KANSL1: variants seen among roughly 807,000 people sequenced by gnomAD.
KANSL1 encodes the protein MLL1/MLL complex subunit KANSL1.
A neutral mutation model predicts 103.6 loss-of-function variants in KANSL1; 22 were observed. The observed-to-expected ratio is 0.21, with a 90% CI of 0.15 to 0.30. The LOEUF (loss-of-function observed/expected upper bound fraction) is 0.30. Ranked by LOEUF, KANSL1 falls within the 10% of genes least tolerant of loss-of-function variation. The pLI, the probability that KANSL1 is intolerant of heterozygous loss-of-function variation, is 1.00. For missense variants in KANSL1, 1,337 were observed against 1,399.8 expected (o/e 0.96, Z 0.72); for synonymous variants, 600 against 527.6 (o/e 1.14, Z -1.88).
chr17:46,068,676 A>G (rs2078469145), intron 4 of KANSL1, among the ~76,000 whole-genome samples: 2 of 151,998 alleles, frequency 1.3e-5, no homozygotes, highest in African/African-American at 4.9e-5. Context: ...GATACTAACT[A>G]TTGTCTTTAG....
chr17:46,188,145 C>T (rs8076065), intron 1 of KANSL1, among the ~76,000 whole-genome samples: 4,470 of 152,290 alleles, frequency 0.029, 181 homozygotes, highest in African/African-American at 0.09. Context: ...CCACAATCCT[C>T]CCCTCAATCT....
At chr17:46,180,051 C>T (rs371275521) in intron 1 of KANSL1, among the ~76,000 whole-genome samples, 72 of 148,132 alleles carry the variant, frequency 4.9e-4, no homozygotes, top group African/African-American at 1.7e-3. Flanking sequence ...GTAACAAGAG[C>T]GAGACTCCAT....
intron 2 of KANSL1, among the ~76,000 whole-genome samples, chr17:46,168,380 G>A (rs896884244): frequency 8.7e-5 from 13 of 149,590 alleles, no homozygotes; most frequent in East Asian, 2.0e-4. Flanking sequence ...ACGGAGTTTC[G>A]CTCGTTGCCT....
intron 1 of KANSL1, among the ~76,000 whole-genome samples, chr17:46,219,826 G>C (rs1358926446): frequency 1.3e-5 from 2 of 152,234 alleles, no homozygotes; most frequent in African/African-American, 2.4e-5. Context: ...TCTCTCGGCT[G>C]GGCACGGTGG....
At chr17:46,209,701 C>T (rs1207274060) in intron 1 of KANSL1, among the ~76,000 whole-genome samples, 4 of 152,156 alleles carry the variant, frequency 2.6e-5, no homozygotes, top group Non-Finnish European at 5.9e-5. Context: ...ACTATGTTAC[C>T]CAGGCTGTTC....
At chr17:46,137,594 C>T (rs963627081) in intron 2 of KANSL1, among the ~76,000 whole-genome samples, 5 of 152,126 alleles carry the variant, frequency 3.3e-5, no homozygotes, top group Admixed American at 6.5e-5. Flanking sequence ...AAAACTGTTT[C>T]GCCGGGCGCG....
At chr17:46,069,073 AC>A (rs1157472234) in intron 4 of KANSL1, among the ~76,000 whole-genome samples, 1 of 152,106 alleles carries the variant, frequency 6.6e-6, no homozygotes, top group Non-Finnish European at 1.5e-5. Context: ...TTACAGGCAC[AC>A]ACTACCATGC....
In KANSL1 at chr17:46,031,634, G is replaced by A. The variant is rs1452144245; in HGVS notation, c.3160C>T (p.Leu1054=). The A allele has an allele frequency of 6.2e-7, 1 of 1,614,010 alleles. No homozygotes were observed. The highest frequency in any genetic ancestry group is 8.5e-7 in the Non-Finnish European group (1 of 1,179,908). ...CGGGCTGCTCGCTCCTGTGCATCCAGCTGGTCCTCACACTCCGCCTGGGGA... is the reference window on the plus strand; with the variant it reads ...CGGGCTGCTCGCTCCTGTGCATCCAACTGGTCCTCACACTCCGCCTGGGGA... The part of the protein sequence containing the change: ...HSPQAECEDQ[L]DAQERAARCT... Residue 1054 remains leucine, a synonymous_variant, in exon 15 of 15, where the codon CTG becomes TTG. Coordinates refer to ENST00000432791, the MANE Select transcript of KANSL1 (RefSeq NM_015443.4).
intron 6 of KANSL1, among the ~76,000 whole-genome samples, chr17:46,057,351 A>T (rs932102801): frequency 1.4e-4 from 21 of 151,482 alleles, no homozygotes; most frequent in African/African-American, 4.6e-4. Context: ...ATTGGTAAAT[A>T]AAAAAAAACA....
Position 46,031,412 on chromosome 17 carries a change from C to A in KANSL1, c.*64G>T. ...CGGCATATGATGTTTGAATATCAAA[C>A]GCAGAGATTTCTGAAGCTTTAATGC... On this transcript the variant is annotated 3_prime_UTR_variant, in exon 15 of 15. Transcript: ENST00000432791. 2 of 1,429,750 alleles carry A rather than the reference C, an allele frequency of 1.4e-6. No homozygotes were observed. Among genetic ancestry groups the A allele is most frequent in the South Asian group, 1.3e-5 (1 of 75,248 alleles). The allele number at this position is 1,429,750 out of a possible 1,614,324, so 88.6% of individuals were successfully genotyped here. A position where few individuals can be genotyped will look rare whatever the true frequency, so the allele number is the denominator to read the frequency against.
intron 2 of KANSL1, among the ~76,000 whole-genome samples, chr17:46,128,826 T>A (rs549544783): frequency 6.6e-6 from 1 of 152,334 alleles, no homozygotes; most frequent in South Asian, 2.1e-4. Flanking sequence ...ATATGGAGTT[T>A]GAATTTTAGT....
At chr17:46,100,564 T>C (rs578115577) in intron 2 of KANSL1, among the ~76,000 whole-genome samples, 2 of 152,332 alleles carry the variant, frequency 1.3e-5, no homozygotes, top group African/African-American at 4.8e-5. Context: ...TTAATTTTTG[T>C]TTTTAGTTCT....
chr17:46,197,169 G>A (rs921186779), upstream of KANSL1, among the ~76,000 whole-genome samples: 122 of 152,244 alleles, frequency 8.0e-4, 1 homozygote, highest in African/African-American at 2.7e-3. Flanking sequence ...AGGAAAAGGT[G>A]TTCCCTCTTA....
chr17:46,138,013 C>T (rs569145763), intron 2 of KANSL1, among the ~76,000 whole-genome samples: 40 of 152,322 alleles, frequency 2.6e-4, no homozygotes, highest in African/African-American at 7.5e-4. Flanking sequence ...CAGTGGCAAA[C>T]TGCAGCTTAG....
intron 2 of KANSL1, among the ~76,000 whole-genome samples, chr17:46,166,497 A>T (rs62060889): frequency 0.14 from 21,871 of 151,762 alleles, 2,122 homozygotes; most frequent in Middle Eastern, 0.22. Context: ...GGGCAACAAG[A>T]GCAACATTCG....
chr17:46,194,054 C>T (rs1267029536), upstream of KANSL1, among the ~76,000 whole-genome samples: 2 of 144,328 alleles, frequency 1.4e-5, no homozygotes, highest in Non-Finnish European at 3.1e-5. Context: ...CAGAGTTGGG[C>T]GGGGTGGGGA....
chr17:46,209,107 C>T (rs1249493387), intron 1 of KANSL1, among the ~76,000 whole-genome samples: 9 of 151,830 alleles, frequency 5.9e-5, no homozygotes, highest in African/African-American at 1.7e-4. Context: ...TGCTTGAACC[C>T]GGGAGTCGGA....
chr17:46,100,943 C>T (rs920877473), intron 2 of KANSL1, among the ~76,000 whole-genome samples: 47 of 152,332 alleles, frequency 3.1e-4, no homozygotes, highest in Non-Finnish European at 6.3e-4. Flanking sequence ...GTTCTATTAG[C>T]CAACTAAAGT....
chr17:46,099,415 C>T (rs572897851), intron 2 of KANSL1, among the ~76,000 whole-genome samples: 47 of 151,986 alleles, frequency 3.1e-4, no homozygotes, highest in African/African-American at 8.2e-4. Flanking sequence ...CCTCAATATT[C>T]GAAGTGTAAA....
Sources: gnomAD v4.1 joint callset for allele counts (sites outside exome capture counted in the v4.1 genomes callset) on GRCh38, gnomAD v4.1.1 for gene constraint, MANE v1.5 for transcripts, NCBI Gene and HGNC (gene_info 2026-07-23, HGNC 2026-07-21) for gene names.